The following EPSTI1 variants were observed in gnomAD, a reference collection of about 807,000 sequenced individuals.
EPSTI1 encodes epithelial-stromal interaction protein 1.
In EPSTI1, 66 loss-of-function variants were observed where a neutral mutation model predicts 49.9. That is an observed-to-expected ratio of 1.32 (90% CI 1.08 to 1.62). The LOEUF is 1.62. Ranked by LOEUF, EPSTI1 falls within the 40% of genes most tolerant of loss-of-function variation. The probability of loss-of-function intolerance (pLI) is 0.00; values close to 1 mark genes in which losing one functional copy is unlikely to be tolerated. For synonymous variants in EPSTI1, 137 were observed against 130.7 expected (o/e 1.05, Z -0.33); for missense variants, 394 against 365.5 (o/e 1.08, Z -0.64).
At position 42,895,493 on chromosome 13, in the gene EPSTI1, A is replaced by G. The variant is rs77464099; in HGVS notation, c.816-385T>C. ...ACCAAAACATGAAGAAGAACCAAAG[A>G]TAGCTCTATGGCATTATTGTTGCAA... On this transcript the variant is annotated intron_variant, in intron 9 of 10. Coordinates refer to ENST00000313624, the MANE Select transcript of EPSTI1 (RefSeq NM_033255.5). 2.0e-5 allele frequency among the ~76,000 whole-genome samples: 3 copies of G among 152,316 alleles called. No homozygotes were observed. In the East Asian group the frequency reaches 5.8e-4, roughly 29 times the overall value.
chr13:42,964,220 T>A, intron 3 of EPSTI1, 81 bp from the exon 4 acceptor site: 1 of 1,052,194 alleles, frequency 9.5e-7, no homozygotes, highest in Non-Finnish European at 1.4e-6. Context: ...TAATATATAA[T>A]AAATCTATAA....
chr13:42,906,494 G>A lies in EPSTI1; in HGVS notation c.742-6111C>T, dbSNP rs111231272. On this transcript the variant is annotated intron_variant, in intron 8 of 10. Coordinates refer to ENST00000313624, the MANE Select transcript of EPSTI1 (RefSeq NM_033255.5). ...GCCTGGCAAAACAAACTTCTCCCAG[G>A]AGAGCCTGTTCTCTCAACACAACAA... Among the ~76,000 whole-genome samples, 4 of 152,320 alleles carry A rather than the reference G, an allele frequency of 2.6e-5. 1 individual carries two copies. The highest frequency in any genetic ancestry group is 9.6e-5 in the African/African-American group (4 of 41,570).
intron 6 of EPSTI1, among the ~76,000 whole-genome samples, chr13:42,951,152 A>G (rs4942181): frequency 0.83 from 125,854 of 151,982 alleles, 52,285 homozygotes; most frequent in East Asian, 0.94. Context: ...GCAAGACTCC[A>G]TTTCCAAAAA....
chr13:42,934,057 C>T (rs950968935), intron 6 of EPSTI1: 4 of 202,328 alleles, frequency 2.0e-5, no homozygotes, highest in African/African-American at 9.3e-5. Flanking sequence ...GAAACCATAC[C>T]TTCATTATCC....
At chr13:42,978,439 T>A (rs2039923310) in intron 1 of EPSTI1, among the ~76,000 whole-genome samples, 1 of 152,172 alleles carries the variant, frequency 6.6e-6, no homozygotes, top group African/African-American at 2.4e-5. Flanking sequence ...CTGATTCGCC[T>A]TTCCAAAGAA....
At chr13:42,990,143 AT>A (rs2040167732) in intron 1 of EPSTI1, among the ~76,000 whole-genome samples, 1 of 150,912 alleles carries the variant, frequency 6.6e-6, no homozygotes, top group African/African-American at 2.4e-5. Flanking sequence ...GGAATATATA[AT>A]TCTGTACTTA....
At chr13:42,991,842 C>T (rs1452635903) in intron 1 of EPSTI1, 136 bp downstream of exon 1, 1 of 982,608 alleles carries the variant, frequency 1.0e-6, no homozygotes, top group Non-Finnish European at 1.5e-6. Flanking sequence ...TTCATTTAAG[C>T]AAATGAGCTT....
chr13:42,950,221 C>T (rs1049917001), intron 6 of EPSTI1, among the ~76,000 whole-genome samples: 2 of 152,186 alleles, frequency 1.3e-5, no homozygotes, highest in Admixed American at 6.5e-5. Flanking sequence ...TGCTCTCAGC[C>T]GCTCATTGAA....
chr13:42,962,655 C>T (rs1270895707), intron 5 of EPSTI1, among the ~76,000 whole-genome samples: 1 of 149,992 alleles, frequency 6.7e-6, no homozygotes, highest in Non-Finnish European at 1.5e-5. Flanking sequence ...TGGTGTTAAC[C>T]TGTAGTCCCA....
chr13:42,971,287 G>A (rs9590729), intron 1 of EPSTI1, among the ~76,000 whole-genome samples: 47,622 of 152,046 alleles, frequency 0.31, 7,647 homozygotes, highest in Middle Eastern at 0.5. Context: ...ACACTAGGAA[G>A]CTGTTAAAAT....
intron 3 of EPSTI1, among the ~76,000 whole-genome samples, 173 bp downstream of exon 3, chr13:42,968,921 T>TACACAC (rs71970864): frequency 0.026 from 3,005 of 117,566 alleles, 157 homozygotes; most frequent in African/African-American, 0.094. Flanking sequence ...AAAAAAAAAA[T>TACACAC]ACACACACAC....
At chr13:42,942,449 T>C (rs901894589) in intron 6 of EPSTI1, among the ~76,000 whole-genome samples, 4 of 152,106 alleles carry the variant, frequency 2.6e-5, no homozygotes, top group Admixed American at 2.6e-4. Flanking sequence ...TTTTGTGTTA[T>C]TTATCCTAAT....
At chr13:42,891,467 G>C (rs1204491196) in intron 10 of EPSTI1, among the ~76,000 whole-genome samples, 1 of 152,124 alleles carries the variant, frequency 6.6e-6, no homozygotes, top group Non-Finnish European at 1.5e-5. Flanking sequence ...TGCCAACAGA[G>C]TATATTGTCA....
chr13:42,980,070 ATGCTTCACAATC>A (rs2039960687), intron 1 of EPSTI1, among the ~76,000 whole-genome samples: 2 of 152,080 alleles, frequency 1.3e-5, no homozygotes, highest in African/African-American at 4.8e-5. Flanking sequence ...TTCTTATAGA[ATGCTTCACAATC>A]TGGATGTAAG....
At chr13:42,968,971 C>T in intron 3 of EPSTI1, 123 bp downstream of exon 3, 1 of 847,530 alleles carries the variant, frequency 1.2e-6, no homozygotes, top group Non-Finnish European at 1.9e-6. Flanking sequence ...TGCATTCCAC[C>T]CAAGCAGCAC....
At position 42,992,061 on chromosome 13, in the gene EPSTI1, GC is replaced by G; in HGVS notation, c.104del (p.Ser35ThrfsTer35). ...QDPSGRQGEL[S>X]PVEDQREGLE... ...AACCCTCTCTCTGGTCTTCCACGGG[GC>G]TCAGCTCCCCTTGCCGCCCAGAAGG... On this transcript the variant is annotated frameshift_variant, in exon 1 of 11. Coordinates refer to ENST00000313624, the MANE Select transcript of EPSTI1 (RefSeq NM_033255.5). LOFTEE classifies it high-confidence loss of function. 3 of 1,613,390 alleles carry G rather than the reference GC, an allele frequency of 1.9e-6. No homozygotes were observed. Among genetic ancestry groups the G allele is most frequent in the Non-Finnish European group, 2.5e-6 (3 of 1,180,022 alleles).
intron 1 of EPSTI1, among the ~76,000 whole-genome samples, chr13:42,985,928 A>ACAAACTTGAGG (rs1419478902): frequency 1.3e-5 from 2 of 152,174 alleles, no homozygotes; most frequent in Non-Finnish European, 2.9e-5. Context: ...CATGGAAGAA[A>ACAAACTTGAGG]CAAACTTGAG....
chr13:42,936,267 G>A (rs959294004), intron 6 of EPSTI1, among the ~76,000 whole-genome samples: 7 of 151,934 alleles, frequency 4.6e-5, no homozygotes, highest in East Asian at 1.9e-4. Flanking sequence ...TTTTGATTCC[G>A]CAGCCTCATC....
At chr13:42,991,223 C>T (rs1198809485) in intron 1 of EPSTI1, 2 of 152,276 alleles carry the variant, frequency 1.3e-5, no homozygotes, top group East Asian at 1.9e-4. Flanking sequence ...TATCACATTT[C>T]TTGTTGACCC....
Sources: gnomAD v4.1 joint callset for allele counts (sites outside exome capture counted in the v4.1 genomes callset) on GRCh38, gnomAD v4.1.1 for gene constraint, MANE v1.5 for transcripts, NCBI Gene and HGNC (gene_info 2026-07-23, HGNC 2026-07-21) for gene names.